Variants in ANKRD13C observed in about 807,000 individuals in gnomAD.
ANKRD13C encodes ankyrin repeat domain 13C.
A neutral mutation model predicts 65.5 loss-of-function variants in ANKRD13C; 16 were observed. The observed-to-expected ratio is 0.24, with a 90% CI of 0.17 to 0.37. The LOEUF is 0.37. Ranked by LOEUF, ANKRD13C falls within the 10% of genes least tolerant of loss-of-function variation. The probability of loss-of-function intolerance (pLI) is 1.00; values close to 1 mark genes in which losing one functional copy is unlikely to be tolerated. For missense variants in ANKRD13C, 503 were observed against 655.9 expected (o/e 0.77, Z 2.55); for synonymous variants, 235 against 238.7 (o/e 0.98, Z 0.14).
intron 9 of ANKRD13C, among the ~76,000 whole-genome samples, chr1:70,287,960 A>C (rs971715105): frequency 3.0e-4 from 46 of 152,376 alleles, no homozygotes; most frequent in African/African-American, 8.7e-4. Flanking sequence ...TCAAGGCTGC[A>C]GTGAACCAAG....
intron 3 of ANKRD13C, among the ~76,000 whole-genome samples, chr1:70,323,818 A>C (rs957631302): frequency 6.7e-6 from 1 of 148,902 alleles, no homozygotes; most frequent in Non-Finnish European, 1.5e-5. Flanking sequence ...TCCGCCTCCC[A>C]GGCTCAGGCG....
intron 2 of ANKRD13C, among the ~76,000 whole-genome samples, chr1:70,328,650 A>G (rs1681652957): frequency 6.6e-6 from 1 of 152,212 alleles, no homozygotes; most frequent in Admixed American, 6.5e-5. Context: ...CAACAGAGAG[A>G]GACTGACTCA....
rs556472103 is a variant in ANKRD13C at position 70,300,404 on chromosome 1, A to G, written c.921+360T>C. On this transcript the variant is annotated intron_variant, in intron 7 of 12. Coordinates refer to ENST00000370944, the MANE Select transcript of ANKRD13C (RefSeq NM_030816.5). ...GGAGTTTGAGACCAACCTAGCCAACATGGTGAAACCAAGCCTCTACTAAAA... is the reference window on the plus strand; with the variant it reads ...GGAGTTTGAGACCAACCTAGCCAACGTGGTGAAACCAAGCCTCTACTAAAA... Among the ~76,000 whole-genome samples, 245 of 152,274 alleles carry G rather than the reference A, an allele frequency of 1.6e-3. 1 individual carries two copies. Among genetic ancestry groups the G allele is most frequent in the Non-Finnish European group, 2.6e-3 (177 of 68,018 alleles).
At chr1:70,318,683 T>G (rs561041249) in intron 3 of ANKRD13C, among the ~76,000 whole-genome samples, 12 of 144,284 alleles carry the variant, frequency 8.3e-5, no homozygotes, top group Non-Finnish European at 1.7e-4. Context: ...ATCTTTGTTT[T>G]TTTTTTTTTT....
intron 9 of ANKRD13C, among the ~76,000 whole-genome samples, chr1:70,279,345 T>C (rs971849938): frequency 6.9e-4 from 105 of 152,152 alleles, no homozygotes; most frequent in African/African-American, 2.4e-3. Context: ...ACTAGCCCAG[T>C]GACAGCACCA....
At chr1:70,319,754 T>C (rs1225349526) in intron 3 of ANKRD13C, among the ~76,000 whole-genome samples, 1 of 152,036 alleles carries the variant, frequency 6.6e-6, no homozygotes, top group African/African-American at 2.4e-5. Flanking sequence ...TTGAGACAGC[T>C]TTAATAACCA....
At chr1:70,313,436 G>A (rs1255795446) in intron 5 of ANKRD13C, among the ~76,000 whole-genome samples, 1 of 151,788 alleles carries the variant, frequency 6.6e-6, no homozygotes, top group African/African-American at 2.4e-5. Context: ...AGGCTGAGCG[G>A]GGAGGACTGC....
chr1:70,297,287 A>ATT lies in ANKRD13C; in HGVS notation c.922-1028_922-1027dup, dbSNP rs748635051. Among the ~76,000 whole-genome samples, 637 of 98,726 alleles carry ATT rather than the reference A, an allele frequency of 6.5e-3. 2 individuals carry two copies. Among genetic ancestry groups the ATT allele is most frequent in the South Asian group, 0.01 (27 of 2,576 alleles). 64.8% of individuals were successfully genotyped at this position (98,726 alleles called of 152,430 possible). A position where few individuals can be genotyped will look rare whatever the true frequency, so the allele number is the denominator to read the frequency against. ...TTAACCTACATAGAGTCCCTTTCTG[A>ATT]TTTTTTTTTTTTTTTTTTTTTTTTG... On this transcript the variant is annotated intron_variant, in intron 7 of 12. Coordinates refer to ENST00000370944, the MANE Select transcript of ANKRD13C (RefSeq NM_030816.5).
At chr1:70,352,364 G>C (rs1386569327) in intron 1 of ANKRD13C, among the ~76,000 whole-genome samples, 1 of 124,228 alleles carries the variant, frequency 8.0e-6, no homozygotes. Context: ...AAAAAAAAAA[G>C]TTAATTTCAG....
intron 2 of ANKRD13C, among the ~76,000 whole-genome samples, chr1:70,335,029 A>G (rs1451874228): frequency 2.0e-5 from 3 of 152,238 alleles, no homozygotes; most frequent in African/African-American, 7.2e-5. Flanking sequence ...ACAGATGTTC[A>G]TAATGATACT....
intron 3 of ANKRD13C, among the ~76,000 whole-genome samples, chr1:70,323,992 C>T (rs1199127844): frequency 1.3e-5 from 2 of 152,096 alleles, no homozygotes; most frequent in African/African-American, 4.8e-5. Context: ...TCCCAAAGTG[C>T]TGGGATTACA....
chr1:70,313,475 AGCTATGATCGTAC>A (rs2101463511), intron 5 of ANKRD13C, among the ~76,000 whole-genome samples: 1 of 151,570 alleles, frequency 6.6e-6, no homozygotes, highest in Admixed American at 6.6e-5. Flanking sequence ...GGCTGTAGTA[AGCTATGATCGTAC>A]CACTGCACTC....
chr1:70,319,976 A>C (rs1465572939), intron 3 of ANKRD13C, among the ~76,000 whole-genome samples: 1 of 152,014 alleles, frequency 6.6e-6, no homozygotes, highest in African/African-American at 2.4e-5. Context: ...GGCCTCATAC[A>C]CTCTGCCTAA....
At chr1:70,333,545 G>C (rs200993144) in intron 2 of ANKRD13C, among the ~76,000 whole-genome samples, 1 of 152,178 alleles carries the variant, frequency 6.6e-6, no homozygotes, top group East Asian at 1.9e-4. Flanking sequence ...CTATCTTAAA[G>C]ACAGATAATT....
At chr1:70,293,134 T>C (rs559206224) in intron 8 of ANKRD13C, among the ~76,000 whole-genome samples, 2 of 152,198 alleles carry the variant, frequency 1.3e-5, no homozygotes, top group East Asian at 1.9e-4. Context: ...TGCTCACCAA[T>C]ACAATTAAAG....
At chr1:70,287,224 C>T (rs1460706697) in intron 9 of ANKRD13C, among the ~76,000 whole-genome samples, 6 of 151,838 alleles carry the variant, frequency 4.0e-5, no homozygotes, top group Non-Finnish European at 7.4e-5. Context: ...TGAAGAGATG[C>T]ACCATGTTCA....
intron 2 of ANKRD13C, among the ~76,000 whole-genome samples, chr1:70,327,600 T>G (rs1301854588): frequency 6.6e-6 from 1 of 152,192 alleles, no homozygotes; most frequent in Non-Finnish European, 1.5e-5. Flanking sequence ...AATCTCAATA[T>G]GCATTGGGTA....
intron 9 of ANKRD13C, among the ~76,000 whole-genome samples, chr1:70,282,774 C>T (rs920948932): frequency 2.6e-5 from 4 of 152,062 alleles, no homozygotes; most frequent in East Asian, 1.9e-4. Context: ...TAGGGGAAAC[C>T]GCTGGAAACG....
At chr1:70,273,177 T>A (rs1678970460) in intron 11 of ANKRD13C, among the ~76,000 whole-genome samples, 1 of 152,154 alleles carries the variant, frequency 6.6e-6, no homozygotes, top group Non-Finnish European at 1.5e-5. Context: ...TATCTACTTA[T>A]CTAAAGCCTA....
Sources: allele counts gnomAD v4.1 joint callset (sites outside exome capture counted in the v4.1 genomes callset), GRCh38; gene constraint gnomAD v4.1.1; transcripts MANE v1.5; gene names NCBI Gene and HGNC (gene_info 2026-07-23, HGNC 2026-07-21).